The following GLIS1 variants were observed in gnomAD, a reference collection of about 807,000 sequenced individuals.
The protein encoded by GLIS1 is GLIS family zinc finger 1.
GLIS1 carries 24 observed loss-of-function variants against 63.8 expected under a neutral mutation model. That is an observed-to-expected ratio of 0.38 (90% CI 0.27 to 0.53). The LOEUF is 0.53. Among genes scored for constraint, GLIS1 ranks in the 20% least tolerant of loss-of-function variants. The probability of loss-of-function intolerance (pLI) is 0.85; values close to 1 mark genes in which losing one functional copy is unlikely to be tolerated. For missense variants in GLIS1, 1,036 were observed against 1,074.1 expected (o/e 0.96, Z 0.50); for synonymous variants, 450 against 482.5 (o/e 0.93, Z 0.88).
At chr1:53,705,589 A>C (rs1646570826) in intron 2 of GLIS1, among the ~76,000 whole-genome samples, 1 of 152,166 alleles carries the variant, frequency 6.6e-6, no homozygotes, top group Non-Finnish European at 1.5e-5. Flanking sequence ...TCTTGCTCTC[A>C]TTAGTTCTCA....
At chr1:53,695,917 C>T (rs1315941621) in intron 2 of GLIS1, among the ~76,000 whole-genome samples, 1 of 152,262 alleles carries the variant, frequency 6.6e-6, no homozygotes, top group African/African-American at 2.4e-5. Flanking sequence ...CTGCCTGACC[C>T]AGGGGCCAGG....
intron 2 of GLIS1, among the ~76,000 whole-genome samples, chr1:53,689,999 G>C (rs1481797259): frequency 3.3e-5 from 5 of 152,196 alleles, no homozygotes; most frequent in African/African-American, 4.8e-5. Context: ...CTTCCCAAAT[G>C]AAGCTCTCTC....
At chr1:53,696,618 C>G (rs1210777196) in intron 2 of GLIS1, among the ~76,000 whole-genome samples, 1 of 151,798 alleles carries the variant, frequency 6.6e-6, no homozygotes, top group South Asian at 2.1e-4. Flanking sequence ...TCACCCCACC[C>G]GGCCATGCTC....
chr1:53,729,977 G>A (rs1158780719), intron 2 of GLIS1, among the ~76,000 whole-genome samples: 1 of 152,184 alleles, frequency 6.6e-6, no homozygotes, highest in Admixed American at 6.5e-5. Context: ...CCAGAGAGAT[G>A]GGGAGTGAGA....
chr1:53,524,957 T>C, intron 5 of GLIS1, 70 bp from the exon 6 acceptor site: 1 of 1,165,064 alleles, frequency 8.6e-7, no homozygotes, highest in Non-Finnish European at 1.3e-6. Flanking sequence ...CCGCGTGACC[T>C]GCTGTGGGGA....
At chr1:53,612,117 C>CCAT (rs1645430374) in intron 2 of GLIS1, among the ~76,000 whole-genome samples, 1 of 152,210 alleles carries the variant, frequency 6.6e-6, no homozygotes, top group Non-Finnish European at 1.5e-5. Context: ...CAGGTGTAAA[C>CCAT]CATCACACCT....
chr1:53,632,649 G>A (rs1446546439), intron 2 of GLIS1, among the ~76,000 whole-genome samples: 2 of 150,096 alleles, frequency 1.3e-5, no homozygotes, highest in Non-Finnish European at 1.5e-5. Context: ...TGATTGAGGG[G>A]CATGTGAATG....
intron 2 of GLIS1, among the ~76,000 whole-genome samples, chr1:53,634,601 C>T (rs112429855): frequency 2.0e-5 from 3 of 152,204 alleles, no homozygotes; most frequent in African/African-American, 4.8e-5. Context: ...TGAGGGAATG[C>T]GGGGAGAGAA....
intron 10 of GLIS1, among the ~76,000 whole-genome samples, chr1:53,508,803 GTA>G (rs1644264282): frequency 6.6e-6 from 1 of 152,218 alleles, no homozygotes; most frequent in African/African-American, 2.4e-5. Context: ...CTGGCACACA[GTA>G]GGTGCTCAAT....
At chr1:53,677,385 G>C (rs1431876864) in intron 2 of GLIS1, among the ~76,000 whole-genome samples, 1 of 152,140 alleles carries the variant, frequency 6.6e-6, no homozygotes, top group Non-Finnish European at 1.5e-5. Flanking sequence ...GATGGCGCGG[G>C]GGCAGGAATT....
rs1161312558 is a variant in GLIS1, at chr1:53,646,953, A to C, written c.260-46675T>G. Among the ~76,000 whole-genome samples the C allele has an allele frequency of 9.4e-6, 1 of 106,636 alleles. No individual in the cohort carries two copies. The highest frequency in any genetic ancestry group is 1.9e-5 in the Non-Finnish European group (1 of 51,806). 70.0% of individuals were successfully genotyped at this position (106,636 alleles called of 152,430 possible). On this transcript the variant is annotated intron_variant, in intron 2 of 10. Coordinates refer to ENST00000628545, the MANE Select transcript of GLIS1 (RefSeq NM_001367484.1). The surrounding 1 kb of genome is among the most constrained non-coding windows in gnomAD (Gnocchi z 4.2). ...GGAAAGAAGGAAGGAAAGGGAAGGG[A>C]AGGGAAGGAAAGGAAGGAAAGGAAG...
At chr1:53,725,191 A>G (rs1466295648) in intron 2 of GLIS1, among the ~76,000 whole-genome samples, 1 of 152,146 alleles carries the variant, frequency 6.6e-6, no homozygotes, top group Non-Finnish European at 1.5e-5. Flanking sequence ...CCAAGAAGAA[A>G]GCTTAAGCCA....
At chr1:53,607,395 G>A (rs1411489498) in intron 2 of GLIS1, among the ~76,000 whole-genome samples, 1 of 152,152 alleles carries the variant, frequency 6.6e-6, no homozygotes, top group Non-Finnish European at 1.5e-5. Flanking sequence ...TCAGCCTCCT[G>A]AGTAGCCAGG....
intron 2 of GLIS1, among the ~76,000 whole-genome samples, chr1:53,708,066 A>G (rs1646599157): frequency 6.6e-6 from 1 of 151,974 alleles, no homozygotes; most frequent in East Asian, 2.0e-4. Context: ...GCAGATCACA[A>G]GGTCAGGAGA....
intron 4 of GLIS1, among the ~76,000 whole-genome samples, chr1:53,540,787 G>A (rs1449243848): frequency 2.0e-5 from 3 of 152,224 alleles, no homozygotes; most frequent in Non-Finnish European, 4.4e-5. Flanking sequence ...ACGCATCCAT[G>A]CCCAGCACTG....
At chr1:53,523,839 C>T (rs1644436431) in intron 6 of GLIS1, among the ~76,000 whole-genome samples, 1 of 152,172 alleles carries the variant, frequency 6.6e-6, no homozygotes, top group African/African-American at 2.4e-5. Context: ...CTGCTTAAGA[C>T]CTCTCGATGG....
chr1:53,651,645 G>A (rs1047342823), intron 2 of GLIS1, among the ~76,000 whole-genome samples: 2 of 152,174 alleles, frequency 1.3e-5, no homozygotes, highest in African/African-American at 4.8e-5. Flanking sequence ...GGAGGTGAAG[G>A]CAGGAGGACT....
chr1:53,525,132 C>T (rs1644452711), intron 5 of GLIS1, among the ~76,000 whole-genome samples: 2 of 152,174 alleles, frequency 1.3e-5, no homozygotes, highest in Admixed American at 6.5e-5. Context: ...CTCTGAGTCT[C>T]ACCTTTCTTC....
rs1203436567 is a variant in GLIS1, at chr1:53,639,921, C to T, written c.260-39643G>A. The stretch of plus-strand genomic sequence containing the variant: ...CTGGGTTCAAATCCCAAGTCTGATA[C>T]GTCACTGAGCCTCAGTTTATACTTC... On this transcript the variant is annotated intron_variant, in intron 2 of 10. Coordinates refer to ENST00000628545, the MANE Select transcript of GLIS1 (RefSeq NM_001367484.1). The surrounding 1 kb of genome is among the most constrained non-coding windows in gnomAD (Gnocchi z 4.6). Among the ~76,000 whole-genome samples, 2 of 152,184 alleles carry T rather than the reference C, an allele frequency of 1.3e-5. No homozygotes were observed. The highest frequency in any genetic ancestry group is 2.9e-5 in the Non-Finnish European group (2 of 68,032).
Sources: gnomAD v4.1 joint callset for allele counts (sites outside exome capture counted in the v4.1 genomes callset) on GRCh38, gnomAD v4.1.1 for gene constraint, Gnocchi (gnomAD v3.1) non-coding constraint, MANE v1.5 for transcripts, NCBI Gene and HGNC (gene_info 2026-07-23, HGNC 2026-07-21) for gene names.